The following SYNE1 variants were observed in gnomAD, a reference collection of about 807,000 sequenced individuals.
The protein encoded by SYNE1 is nesprin-1.
Under a neutral mutation model 1,111.0 loss-of-function variants are expected in SYNE1, and 616 were observed. The observed-to-expected ratio is 0.55, with a 90% CI of 0.52 to 0.59. The LOEUF is 0.59. SYNE1 is among the 20% of genes least tolerant of loss of function. The pLI is 0.00. For synonymous variants in SYNE1, 3,855 were observed against 3,825.8 expected, an observed-to-expected ratio of 1.01 and a Z score of -0.28; for missense variants, 10,006 against 10,417.0, an observed-to-expected ratio of 0.96 and a Z score of 1.72.
chr6:152,430,315 T>C (rs1221652268), intron 35 of SYNE1, 105 bp from the exon 36 acceptor site: 1 of 1,155,844 alleles, frequency 8.7e-7, no homozygotes, highest in Admixed American at 2.0e-5. Context: ...TGGATAACTT[T>C]TAATGTAATT....
At chr6:152,359,629 G>GGTGTGTGTGTGTGT (rs57095244) in intron 64 of SYNE1, among the ~76,000 whole-genome samples, 171 bp from the exon 65 acceptor site, 29 of 148,496 alleles carry the variant, frequency 2.0e-4, no homozygotes, top group African/African-American at 6.2e-4. Flanking sequence ...TGAATGCATG[G>GGTGTGTGTGTGTGT]GTGTGTGTGT....
chr6:152,202,572 C>T (rs2075731417), intron 126 of SYNE1, among the ~76,000 whole-genome samples: 1 of 151,894 alleles, frequency 6.6e-6, no homozygotes, highest in African/African-American at 2.4e-5. Flanking sequence ...ACAAACTCTC[C>T]ATATTTATTG....
intron 3 of SYNE1, among the ~76,000 whole-genome samples, chr6:152,543,642 T>C (rs2099286182): frequency 6.6e-6 from 1 of 152,238 alleles, no homozygotes; most frequent in Non-Finnish European, 1.5e-5. Flanking sequence ...ATGCACTGCA[T>C]AATGATTTTT....
intron 73 of SYNE1, among the ~76,000 whole-genome samples, chr6:152,345,176 T>TC (rs2096608727): frequency 1.3e-5 from 2 of 152,244 alleles, no homozygotes; most frequent in Non-Finnish European, 2.9e-5. Context: ...TCTTAGAATT[T>TC]CATCCACTTT....
intron 46 of SYNE1, among the ~76,000 whole-genome samples, chr6:152,403,707 G>A (rs1464791913): frequency 6.6e-6 from 1 of 152,114 alleles, no homozygotes; most frequent in Non-Finnish European, 1.5e-5. Context: ...GGGTGACAGA[G>A]TGAGACCCTG....
At position 152,458,847 on chromosome 6, in the gene SYNE1, G is replaced by T. The variant is rs752337342; in HGVS notation, c.2478C>A (p.Ser826=). 1.2e-6 allele frequency: 2 copies of T among 1,614,034 alleles called. No homozygotes were observed. The highest frequency in any genetic ancestry group is 1.7e-6 in the Non-Finnish European group (2 of 1,179,976). ...PLEELEKQMT[S]FYDSLGKINE... ...TGATTTTCCCAAGTGAGTCATAAAA[G>T]GACGTCATCTGCTTTTCTAATTCCT... The change falls in exon 22 of 146, where the codon TCC becomes TCA. Residue 826 remains serine, a synonymous_variant. Coordinates refer to ENST00000367255, the MANE Select transcript of SYNE1 (RefSeq NM_182961.4).
At chr6:152,357,683 T>C (rs2096860890) in intron 66 of SYNE1, among the ~76,000 whole-genome samples, 1 of 152,206 alleles carries the variant, frequency 6.6e-6, no homozygotes, top group Non-Finnish European at 1.5e-5. Flanking sequence ...TGGGTTTGTG[T>C]TCCTCATCAG....
chr6:152,156,622 T>C lies in SYNE1; in HGVS notation c.23791-525A>G, dbSNP rs560304475. Among the ~76,000 whole-genome samples the C allele has an allele frequency of 1.4e-4, 21 of 152,332 alleles. No homozygotes were observed. The South Asian group carries it at 3.9e-3, about 29-fold the overall frequency. On this transcript the variant is annotated intron_variant, in intron 131 of 145. Transcript: ENST00000367255. ...AATACCTAATACAATGTAAATGCTA[T>C]AGAAATTGTTCTTATACTGTATTGT...
At position 152,307,478 on chromosome 6, in the gene SYNE1, A is replaced by C. The variant is rs190588616; in HGVS notation, c.17346+1011T>G. On this transcript the variant is annotated intron_variant, in intron 91 of 145. Transcript: ENST00000367255. The stretch of plus-strand genomic sequence containing the variant: ...ATACTCTATCCTTAGTACAGAAAAA[A>C]TAAGACAACCTTCTCCCAGTTATTT... Among the ~76,000 whole-genome samples, 187 of 152,292 alleles carry C rather than the reference A, an allele frequency of 1.2e-3. 1 individual carries two copies. The highest frequency in any genetic ancestry group is 4.2e-3 in the African/African-American group (173 of 41,566).
intron 58 of SYNE1, among the ~76,000 whole-genome samples, chr6:152,374,165 G>A (rs535810140): frequency 6.6e-6 from 1 of 152,322 alleles, no homozygotes; most frequent in South Asian, 2.1e-4. Context: ...GTGCCAAAGT[G>A]TAGTTTAATA....
intron 77 of SYNE1, among the ~76,000 whole-genome samples, chr6:152,333,760 G>A (rs951003532): frequency 6.6e-6 from 1 of 151,984 alleles, no homozygotes; most frequent in East Asian, 1.9e-4. Context: ...AGCCTCCGAA[G>A]TAGCTGGGAT....
chr6:152,598,541 A>G (rs2099588349), intron 3 of SYNE1, among the ~76,000 whole-genome samples: 1 of 152,224 alleles, frequency 6.6e-6, no homozygotes. Flanking sequence ...TCATAAACTC[A>G]ATGGTCTCTT....
At chr6:152,509,248 C>CTTTT (rs11305679) in intron 8 of SYNE1, among the ~76,000 whole-genome samples, 5 of 75,758 alleles carry the variant, frequency 6.6e-5, no homozygotes, top group Non-Finnish European at 1.1e-4. Context: ...TTTTCTTTTT[C>CTTTT]TTTTTTTTTT....
In SYNE1 at chr6:152,441,270, C is replaced by A; in HGVS notation, c.4009G>T (p.Val1337Phe). The A allele has an allele frequency of 6.2e-7, 1 of 1,604,350 alleles. No homozygotes were observed. The highest frequency in any genetic ancestry group is 8.5e-7 in the Non-Finnish European group (1 of 1,173,952). ...SRERQERRIQ[V>F]TLRKWERFET... ...AATCGCTCCCATTTTCTTAATGTGA[C>A]CTAAATTTGAAAAAATAAACAACAA... Residue 1337 changes from valine (V) to phenylalanine (F), a missense_variant and splice_region_variant, in exon 32 of 146, where the codon GTC becomes TTC. Coordinates refer to ENST00000367255, the MANE Select transcript of SYNE1 (RefSeq NM_182961.4).
chr6:152,357,534 G>A (rs1373524852), intron 66 of SYNE1, among the ~76,000 whole-genome samples: 2 of 152,080 alleles, frequency 1.3e-5, no homozygotes, highest in Non-Finnish European at 2.9e-5. Context: ...TTTGTACATG[G>A]TGGCCCCTTC....
intron 46 of SYNE1, among the ~76,000 whole-genome samples, chr6:152,403,989 C>A (rs1256374549): frequency 6.7e-6 from 1 of 150,228 alleles, no homozygotes; most frequent in African/African-American, 2.5e-5. Flanking sequence ...ATGATAACAT[C>A]GAGGACATAT....
intron 20 of SYNE1, among the ~76,000 whole-genome samples, chr6:152,462,133 T>G (rs1316975676): frequency 6.6e-6 from 1 of 151,934 alleles, no homozygotes; most frequent in Non-Finnish European, 1.5e-5. Flanking sequence ...TTATAAAAAC[T>G]TATAAATTAG....
intron 44 of SYNE1, among the ~76,000 whole-genome samples, chr6:152,408,642 A>C (rs183243705): frequency 6.6e-6 from 1 of 152,228 alleles, no homozygotes; most frequent in East Asian, 1.9e-4. Flanking sequence ...CTCATTTTGC[A>C]TTTAGTACTA....
chr6:152,416,320 A>G, intron 41 of SYNE1, 67 bp downstream of exon 41: 2 of 1,602,620 alleles, frequency 1.2e-6, no homozygotes, highest in Non-Finnish European at 1.7e-6. Flanking sequence ...AAAGTTTTGC[A>G]TAAAAGTTAA....
Sources: gnomAD v4.1 joint callset for allele counts (sites outside exome capture counted in the v4.1 genomes callset) on GRCh38, gnomAD v4.1.1 for gene constraint, MANE v1.5 for transcripts, NCBI Gene and HGNC (gene_info 2026-07-23, HGNC 2026-07-21) for gene names.